The following RIMBP2 variants were observed in gnomAD, a reference collection of about 807,000 sequenced individuals.
The protein encoded by RIMBP2 is RIMS-binding protein 2.
A neutral mutation model predicts 118.6 loss-of-function variants in RIMBP2; 48 were observed. The observed-to-expected ratio is 0.40, with a 90% CI of 0.32 to 0.51. The LOEUF (loss-of-function observed/expected upper bound fraction) is 0.51. Ranked by LOEUF, RIMBP2 falls within the 20% of genes least tolerant of loss-of-function variation. RIMBP2 has a pLI of 0.41. For missense variants in RIMBP2, 1,551 were observed against 1,768.3 expected (o/e 0.88, Z 2.20); for synonymous variants, 762 against 742.9 (o/e 1.03, Z -0.42).
At chr12:130,676,677 G>A (rs1482578512) in intron 1 of RIMBP2, among the ~76,000 whole-genome samples, 1 of 151,814 alleles carries the variant, frequency 6.6e-6, no homozygotes, top group Non-Finnish European at 1.5e-5. Flanking sequence ...CATCCATACA[G>A]TGGAATATTA....
chr12:130,536,475 G>C (rs190110456), intron 2 of RIMBP2, among the ~76,000 whole-genome samples: 1 of 151,938 alleles, frequency 6.6e-6, no homozygotes, highest in Non-Finnish European at 1.5e-5. Context: ...TCCTTTATTC[G>C]CATCAAAAAA....
intron 1 of RIMBP2, among the ~76,000 whole-genome samples, chr12:130,687,740 C>G (rs2065124137): frequency 6.6e-6 from 1 of 152,214 alleles, no homozygotes; most frequent in African/African-American, 2.4e-5. Flanking sequence ...AGACATCTTT[C>G]TACCCATATT....
chr12:130,549,885 T>G (rs1485897506), intron 2 of RIMBP2, among the ~76,000 whole-genome samples: 3 of 152,300 alleles, frequency 2.0e-5, no homozygotes, highest in African/African-American at 7.2e-5. Flanking sequence ...GTAATGGGAT[T>G]GCTGGGTCCA....
At chr12:130,439,258 ATGTGTATG>A (rs2077817921) in intron 11 of RIMBP2, among the ~76,000 whole-genome samples, 2 of 151,622 alleles carry the variant, frequency 1.3e-5, no homozygotes, top group African/African-American at 2.4e-5. Context: ...GTATATGTAC[ATGTGTATG>A]TGTGTATGTA....
chr12:130,469,467 G>A lies in RIMBP2; in HGVS notation c.153+1226C>T, dbSNP rs1207057445. On this transcript the variant is annotated intron_variant, in intron 6 of 22. Transcript: ENST00000690449. The surrounding 1 kb of genome is among the most constrained non-coding windows in gnomAD (Gnocchi z 4.8). The stretch of plus-strand genomic sequence containing the variant: ...AGACGATGCAAATTAAAGTGCGGTG[G>A]ATAACTCAGGCCAGGGAAAGTGAAT... 6.6e-6 allele frequency among the ~76,000 whole-genome samples: 1 copy of A among 152,132 alleles called. No homozygotes were observed. Among genetic ancestry groups the A allele is most frequent in the Non-Finnish European group, 1.5e-5 (1 of 68,002 alleles).
At chr12:130,707,041 G>A (rs986176057) in intron 1 of RIMBP2, among the ~76,000 whole-genome samples, 2 of 152,186 alleles carry the variant, frequency 1.3e-5, no homozygotes, top group African/African-American at 2.4e-5. Context: ...GTAACTGAAC[G>A]TGTCCTCAAG....
intron 2 of RIMBP2, among the ~76,000 whole-genome samples, chr12:130,546,615 G>C (rs1189296064): frequency 6.6e-6 from 1 of 152,094 alleles, no homozygotes; most frequent in East Asian, 1.9e-4. Context: ...TTCTGCCAAC[G>C]TTCTTCAAAG....
intron 1 of RIMBP2, among the ~76,000 whole-genome samples, chr12:130,698,691 C>T (rs1396050440): frequency 2.6e-5 from 4 of 151,460 alleles, no homozygotes; most frequent in African/African-American, 4.9e-5. Context: ...ATGTCTAAAA[C>T]ACCAAAAGCA....
chr12:130,599,677 C>T (rs1450206794), intron 2 of RIMBP2, among the ~76,000 whole-genome samples: 2 of 152,206 alleles, frequency 1.3e-5, no homozygotes, highest in Admixed American at 6.5e-5. Context: ...TATAATGGCC[C>T]TACCATTTAA....
At position 130,424,389 on chromosome 12, in the gene RIMBP2, C is replaced by A; in HGVS notation, c.2882G>T (p.Arg961Leu). 4 of 1,232,686 alleles carry A rather than the reference C, an allele frequency of 3.2e-6. No individual in the cohort carries two copies. The highest frequency in any genetic ancestry group is 4.0e-6 in the Non-Finnish European group (4 of 988,156). 76.4% of individuals were successfully genotyped at this position (1,232,686 alleles called of 1,614,324 possible). A position where few individuals can be genotyped will look rare whatever the true frequency, so the allele number is the denominator to read the frequency against. The change falls in exon 16 of 23, where the codon CGG (arginine) becomes CTG (leucine). Residue 961 changes from arginine (R) to leucine (L), a missense_variant. Coordinates refer to ENST00000690449, the MANE Select transcript of RIMBP2 (RefSeq NM_001393629.1). The surrounding 1 kb of genome is among the most constrained non-coding windows in gnomAD (Gnocchi z 9.8). ...GCTGCTCTGCCGGGTCAGCGTCCGC[C>A]GCCGGGCCAGCAGCGGCCTCGGGCC... ...RRGPRPLLARRRTLTRQSSVE... is the reference protein window; with the variant it reads ...RRGPRPLLARLRTLTRQSSVE...
intron 4 of RIMBP2, among the ~76,000 whole-genome samples, chr12:130,492,266 TTTG>T (rs1183000758): frequency 6.6e-6 from 1 of 152,206 alleles, no homozygotes; most frequent in Non-Finnish European, 1.5e-5. Flanking sequence ...TTTAAAGCTG[TTTG>T]TTTTCATGGC....
intron 2 of RIMBP2, among the ~76,000 whole-genome samples, chr12:130,597,428 G>C (rs1418779405): frequency 6.6e-6 from 1 of 152,176 alleles, no homozygotes; most frequent in Admixed American, 6.5e-5. Flanking sequence ...ATTTTTAGTA[G>C]AGACGGGATT....
chr12:130,449,886 C>T (rs1211505793), intron 9 of RIMBP2, among the ~76,000 whole-genome samples: 1 of 152,092 alleles, frequency 6.6e-6, no homozygotes, highest in Middle Eastern at 3.2e-3. Context: ...AAGGACCCCT[C>T]CTTGGAGCCC....
At chr12:130,487,670 C>T (rs902375761) in intron 4 of RIMBP2, among the ~76,000 whole-genome samples, 1 of 152,178 alleles carries the variant, frequency 6.6e-6, no homozygotes, top group African/African-American at 2.4e-5. Flanking sequence ...TGACCAGTGA[C>T]CAGAGATTAT....
chr12:130,541,687 A>G (rs551788933), intron 2 of RIMBP2, among the ~76,000 whole-genome samples: 3 of 152,250 alleles, frequency 2.0e-5, no homozygotes, highest in Non-Finnish European at 4.4e-5. Flanking sequence ...TAATGCAGGC[A>G]TCATCTGGCC....
chr12:130,668,669 C>T (rs2064059242), intron 1 of RIMBP2: 1 of 152,314 alleles, frequency 6.6e-6, no homozygotes, highest in South Asian at 2.1e-4. Context: ...CACCACCTGC[C>T]CAGTCTCGGC....
intron 15 of RIMBP2, chr12:130,425,700 G>C (rs1182086371): frequency 6.6e-6 from 1 of 152,390 alleles, no homozygotes; most frequent in Non-Finnish European, 1.5e-5. Context: ...TCTACCCAAA[G>C]AGCATGAAGG....
At chr12:130,694,452 A>T (rs1031340262) in intron 1 of RIMBP2, among the ~76,000 whole-genome samples, 1 of 152,212 alleles carries the variant, frequency 6.6e-6, no homozygotes. Context: ...CAAAGTCCAG[A>T]GTCCTCACTG....
At chr12:130,645,177 T>C (rs1203252380) in intron 1 of RIMBP2, among the ~76,000 whole-genome samples, 1 of 151,726 alleles carries the variant, frequency 6.6e-6, no homozygotes, top group Non-Finnish European at 1.5e-5. Flanking sequence ...GCAGCCTCCG[T>C]CCACCTCCCA....
Sources: allele counts gnomAD v4.1 joint callset (sites outside exome capture counted in the v4.1 genomes callset), GRCh38; gene constraint gnomAD v4.1.1; non-coding constraint Gnocchi (gnomAD v3.1); transcripts MANE v1.5; gene names NCBI Gene and HGNC (gene_info 2026-07-23, HGNC 2026-07-21).